The following PTPRT variants were observed in gnomAD, a reference collection of about 807,000 sequenced individuals.
The protein encoded by PTPRT is protein tyrosine phosphatase receptor type T.
PTPRT carries 56 observed loss-of-function variants against 176.8 expected under a neutral mutation model. That is an observed-to-expected ratio of 0.32 (90% CI 0.26 to 0.40). PTPRT has a LOEUF of 0.40. PTPRT is among the 10% of genes least tolerant of loss of function. The probability of loss-of-function intolerance (pLI) is 1.00; values close to 1 mark genes in which losing one functional copy is unlikely to be tolerated. For synonymous variants in PTPRT, 783 were observed against 739.0 expected, an observed-to-expected ratio of 1.06 and a Z score of -0.96; for missense variants, 1,540 against 1,908.2, an observed-to-expected ratio of 0.81 and a Z score of 3.60.
rs1416883091 is a variant in PTPRT at position 42,486,582 on chromosome 20, G to C, written c.1154-14020C>G. Among the ~76,000 whole-genome samples, 4 of 152,034 alleles carry C rather than the reference G, an allele frequency of 2.6e-5. No homozygotes were observed. In the East Asian group the frequency reaches 5.8e-4, roughly 22 times the overall value. On this transcript the variant is annotated intron_variant, in intron 7 of 30. Coordinates refer to ENST00000373187, the MANE Select transcript of PTPRT (RefSeq NM_007050.6). ...AAATTATATGCATGCATTGTTAGTG[G>C]GATGTTGTCACCATAGTGCTGTATA... is the stretch of plus-strand genomic sequence containing the variant.
At chr20:42,155,753 A>C (rs1989322849) in intron 17 of PTPRT, among the ~76,000 whole-genome samples, 1 of 152,042 alleles carries the variant, frequency 6.6e-6, no homozygotes, top group Non-Finnish European at 1.5e-5. Flanking sequence ...AAAAGTGCGT[A>C]GGCTTGTCTG....
chr20:42,115,941 G>T (rs1234789961), intron 21 of PTPRT: 8 of 685,030 alleles, frequency 1.2e-5, no homozygotes, highest in Non-Finnish European at 8.1e-6. Flanking sequence ...TCTGACCCTG[G>T]ACGCGAGCAA....
intron 1 of PTPRT, among the ~76,000 whole-genome samples, chr20:43,011,241 A>C (rs1457476206): frequency 1.3e-5 from 2 of 152,142 alleles, no homozygotes. Flanking sequence ...AAGTGTGGCC[A>C]CCTAAGAAAA....
At chr20:42,057,301 G>T in the PTPRT span, among the ~76,000 whole-genome samples, 32,984 of 152,020 alleles carry the variant, frequency 0.22, 3,740 homozygotes, top group Middle Eastern at 0.32. Flanking sequence ...CCTGGTGGGC[G>T]TGAGGTCTAG....
intron 1 of PTPRT, among the ~76,000 whole-genome samples, chr20:42,894,499 G>A (rs150848749): frequency 8.6e-5 from 13 of 151,878 alleles, no homozygotes; most frequent in African/African-American, 3.1e-4. Context: ...CAATTTTATA[G>A]ACAAAGAAAT....
chr20:42,912,217 T>C (rs1978442977), intron 1 of PTPRT, among the ~76,000 whole-genome samples: 1 of 152,152 alleles, frequency 6.6e-6, no homozygotes, highest in Non-Finnish European at 1.5e-5. Context: ...TAGTACTAAG[T>C]ATCATCACTG....
intron 2 of PTPRT, among the ~76,000 whole-genome samples, chr20:42,800,561 A>T (rs539842395): frequency 2.6e-5 from 4 of 152,254 alleles, no homozygotes; most frequent in East Asian, 3.9e-4. Flanking sequence ...AAATATATAT[A>T]TTTTTAAATC....
chr20:42,982,700 C>A (rs1983349314), intron 1 of PTPRT, among the ~76,000 whole-genome samples: 1 of 152,142 alleles, frequency 6.6e-6, no homozygotes, highest in Non-Finnish European at 1.5e-5. Context: ...GCTTCCCCAG[C>A]CAAGGACCTG....
At chr20:42,274,858 C>T (rs2057002222) in intron 13 of PTPRT, among the ~76,000 whole-genome samples, 1 of 152,156 alleles carries the variant, frequency 6.6e-6, no homozygotes, top group Admixed American at 6.5e-5. Flanking sequence ...GGCCAAAGAC[C>T]ATCACATGCT....
intron 11 of PTPRT, among the ~76,000 whole-genome samples, chr20:42,329,212 T>G (rs904458068): frequency 6.6e-6 from 1 of 152,148 alleles, no homozygotes; most frequent in Non-Finnish European, 1.5e-5. Flanking sequence ...TTAATACATA[T>G]AGTCATTTTA....
At chr20:42,505,595 C>T (rs2145432630) in intron 7 of PTPRT, among the ~76,000 whole-genome samples, 1 of 152,070 alleles carries the variant, frequency 6.6e-6, no homozygotes. Flanking sequence ...AGCCACCAAG[C>T]CTGGCCTCCT....
At chr20:42,199,831 G>C (rs1220608802) in intron 15 of PTPRT, among the ~76,000 whole-genome samples, 1 of 152,090 alleles carries the variant, frequency 6.6e-6, no homozygotes, top group Non-Finnish European at 1.5e-5. Context: ...AATAATAGTA[G>C]AGTGAAGCAG....
chr20:43,148,542 G>C (rs1473268369), intron 1 of PTPRT, among the ~76,000 whole-genome samples: 1 of 152,172 alleles, frequency 6.6e-6, no homozygotes, highest in Non-Finnish European at 1.5e-5. Context: ...ATGAATGAAT[G>C]ATTCCACGAG....
chr20:42,142,014 G>T lies in PTPRT; in HGVS notation c.2683-12C>A. Reference sequence around the variant, plus strand: ...CCCTCTGGTAAGGCCTAAAAAGCAAGGACAGAGTGGTTAGAGTGGCCTGAG... The same window carrying T: ...CCCTCTGGTAAGGCCTAAAAAGCAATGACAGAGTGGTTAGAGTGGCCTGAG... On this transcript the variant is annotated splice_polypyrimidine_tract_variant and intron_variant, in intron 17 of 30. Coordinates refer to ENST00000373187, the MANE Select transcript of PTPRT (RefSeq NM_007050.6). 6.2e-7 allele frequency: 1 copy of T among 1,612,048 alleles called. No homozygotes were observed. The highest frequency in any genetic ancestry group is 8.5e-7 in the Non-Finnish European group (1 of 1,178,134).
intron 1 of PTPRT, among the ~76,000 whole-genome samples, chr20:43,183,274 A>G (rs552912817): frequency 3.3e-5 from 5 of 152,374 alleles, no homozygotes; most frequent in African/African-American, 1.2e-4. Context: ...GGAAACTAGC[A>G]AGAGATAAGT....
intron 9 of PTPRT, among the ~76,000 whole-genome samples, chr20:42,369,782 G>A (rs559903800): frequency 4.6e-5 from 7 of 152,292 alleles, no homozygotes; most frequent in African/African-American, 1.2e-4. Context: ...CCTGGGTATC[G>A]GGTTTCCAAT....
At position 42,696,267 on chromosome 20, in the gene PTPRT, C is replaced by T. The variant is rs574786884; in HGVS notation, c.860-18108G>A. ...TATTTCTCTCCTCCTGTCCCCCTTC[C>T]TCCTCCCTCTTCTCTCCCTTTTTAT... On this transcript the variant is annotated intron_variant, in intron 6 of 30. Coordinates refer to ENST00000373187, the MANE Select transcript of PTPRT (RefSeq NM_007050.6). Among the ~76,000 whole-genome samples, 29 of 150,192 alleles carry T rather than the reference C, an allele frequency of 1.9e-4. No individual in the cohort carries two copies. In the South Asian group the frequency reaches 6.2e-3, roughly 32 times the overall value.
chr20:42,608,181 G>A (rs982270483), intron 7 of PTPRT, among the ~76,000 whole-genome samples: 3 of 152,088 alleles, frequency 2.0e-5, no homozygotes, highest in African/African-American at 4.8e-5. Context: ...TCATGTCTCC[G>A]GAATAAGTAC....
chr20:42,906,866 G>GAA (rs372139563), intron 1 of PTPRT, among the ~76,000 whole-genome samples: 13 of 146,330 alleles, frequency 8.9e-5, no homozygotes, highest in Non-Finnish European at 2.0e-4. Flanking sequence ...TTCTAATCTG[G>GAA]AAAAAAAAAA....
Sources: allele counts gnomAD v4.1 joint callset (sites outside exome capture counted in the v4.1 genomes callset), GRCh38; gene constraint gnomAD v4.1.1; transcripts MANE v1.5; gene names NCBI Gene and HGNC (gene_info 2026-07-23, HGNC 2026-07-21).